CNTNAP2: variants seen among roughly 807,000 people sequenced by gnomAD.
CNTNAP2 encodes the protein contactin associated protein 2.
In CNTNAP2, 98 loss-of-function variants were observed where a neutral mutation model predicts 155.2. That is an observed-to-expected ratio of 0.63 (90% CI 0.54 to 0.75). CNTNAP2 has a LOEUF of 0.75. Among genes scored for constraint, CNTNAP2 ranks in the 30% least tolerant of loss-of-function variants. The pLI is 0.00. For missense variants in CNTNAP2, 1,727 were observed against 1,688.1 expected, an observed-to-expected ratio of 1.02 and a Z score of -0.40; for synonymous variants, 651 against 631.2, an observed-to-expected ratio of 1.03 and a Z score of -0.47.
At chr7:148,045,039 G>A (rs1802751626) in intron 15 of CNTNAP2, among the ~76,000 whole-genome samples, 1 of 152,146 alleles carries the variant, frequency 6.6e-6, no homozygotes, top group South Asian at 2.1e-4. Context: ...CTCTGTGAAA[G>A]CTCTGAGCAG....
intron 13 of CNTNAP2, among the ~76,000 whole-genome samples, chr7:147,890,000 C>T (rs1799663596): frequency 6.6e-6 from 1 of 152,000 alleles, no homozygotes; most frequent in Middle Eastern, 3.2e-3. Flanking sequence ...TTTTCTATGA[C>T]CAATTAAATT....
Position 147,395,754 on chromosome 7 carries a change from C to T in CNTNAP2, c.1644C>T (p.Ser548=). 6.2e-7 allele frequency: 1 copy of T among 1,612,384 alleles called. No individual in the cohort carries two copies. The highest frequency in any genetic ancestry group is 8.5e-7 in the Non-Finnish European group (1 of 1,178,730). The change falls in exon 10 of 24, where the codon AGC becomes AGT. Residue 548 remains serine, a synonymous_variant. Transcript: ENST00000361727. The stretch of plus-strand genomic sequence containing the variant: ...AGCCGGGAAGTTTCGCGAATGTCAG[C>T]ATTGACATGTGTGCGATCATAGACA... The part of the protein sequence containing the change: ...QRKPGSFANV[S]IDMCAIIDRC...
chr7:146,929,220 G>T (rs576805148), intron 3 of CNTNAP2, among the ~76,000 whole-genome samples: 1 of 152,136 alleles, frequency 6.6e-6, no homozygotes, highest in Admixed American at 6.5e-5. Context: ...TCACACGGCC[G>T]GGTACTCCTC....
chr7:146,460,004 G>A lies in CNTNAP2; in HGVS notation c.98-314267G>A, dbSNP rs145049339. On this transcript the variant is annotated intron_variant, in intron 1 of 23. Coordinates refer to ENST00000361727, the MANE Select transcript of CNTNAP2 (RefSeq NM_014141.6). ...ACAAAACAAAACAAAACAGAAAACA[G>A]GGGCTACTGGATGCTTGTGAGAGGC... is the stretch of plus-strand genomic sequence containing the variant. 1.8e-3 allele frequency among the ~76,000 whole-genome samples: 274 copies of A among 151,986 alleles called. 1 individual carries two copies. The highest frequency in any genetic ancestry group is 5.9e-3 in the African/African-American group (243 of 41,472).
chr7:147,315,323 C>A (rs546726605), intron 9 of CNTNAP2, among the ~76,000 whole-genome samples: 1 of 150,878 alleles, frequency 6.6e-6, no homozygotes, highest in East Asian at 1.9e-4. Flanking sequence ...GTAACTATCA[C>A]CACAATCTAA....
chr7:147,907,943 T>G (rs1447134640), intron 14 of CNTNAP2, among the ~76,000 whole-genome samples: 1 of 151,432 alleles, frequency 6.6e-6, no homozygotes, highest in Non-Finnish European at 1.5e-5. Context: ...CTAATTTTTT[T>G]TTTTTTGTAT....
intron 1 of CNTNAP2, among the ~76,000 whole-genome samples, chr7:146,731,172 G>T (rs1344260664): frequency 6.6e-6 from 1 of 152,116 alleles, no homozygotes; most frequent in Non-Finnish European, 1.5e-5. Flanking sequence ...AGGCCTGGCT[G>T]TGTCCAGATT....
chr7:146,712,307 T>C (rs1242695583), intron 1 of CNTNAP2, among the ~76,000 whole-genome samples: 1 of 125,028 alleles, frequency 8.0e-6, no homozygotes, highest in East Asian at 2.1e-4. Context: ...ATGTATACTA[T>C]ATAGTATACA....
chr7:146,662,167 G>T (rs2129166183), intron 1 of CNTNAP2, among the ~76,000 whole-genome samples: 1 of 151,038 alleles, frequency 6.6e-6, no homozygotes, highest in Non-Finnish European at 1.5e-5. Context: ...ACGGAGTCTT[G>T]CTCTTTGTCA....
At chr7:147,887,705 T>C (rs10264316) in intron 13 of CNTNAP2, among the ~76,000 whole-genome samples, 6,298 of 152,194 alleles carry the variant, frequency 0.041, 298 homozygotes, top group East Asian at 0.19. Context: ...TAATAAATTA[T>C]ATCAAATATC....
At chr7:147,782,291 G>T (rs980223480) in intron 13 of CNTNAP2, among the ~76,000 whole-genome samples, 2 of 152,216 alleles carry the variant, frequency 1.3e-5, no homozygotes, top group Non-Finnish European at 2.9e-5. Context: ...AGGTGCAAAG[G>T]CAAAGCACAA....
At chr7:146,471,114 CA>C (rs1359701917) in intron 1 of CNTNAP2, among the ~76,000 whole-genome samples, 2 of 152,084 alleles carry the variant, frequency 1.3e-5, no homozygotes, top group Non-Finnish European at 2.9e-5. Flanking sequence ...AAGAGTTAGA[CA>C]AATTTAAGTT....
chr7:147,062,516 C>A (rs184663441), intron 4 of CNTNAP2, among the ~76,000 whole-genome samples: 1 of 151,952 alleles, frequency 6.6e-6, no homozygotes, highest in African/African-American at 2.4e-5. Context: ...ATAAATGCCA[C>A]GTTTACTAAA....
intron 11 of CNTNAP2, among the ~76,000 whole-genome samples, chr7:147,544,677 C>A (rs1799700097): frequency 6.6e-6 from 1 of 151,996 alleles, no homozygotes; most frequent in Non-Finnish European, 1.5e-5. Context: ...CCACCCAAAT[C>A]TCATCTTGAA....
chr7:147,862,156 T>C (rs556451009), intron 13 of CNTNAP2, among the ~76,000 whole-genome samples: 1 of 152,266 alleles, frequency 6.6e-6, no homozygotes, highest in East Asian at 1.9e-4. Flanking sequence ...CACATCCTTT[T>C]GGCCTGTCCA....
At chr7:146,576,116 G>A (rs1798520400) in intron 1 of CNTNAP2, among the ~76,000 whole-genome samples, 1 of 152,130 alleles carries the variant, frequency 6.6e-6, no homozygotes, top group African/African-American at 2.4e-5. Flanking sequence ...TGAATATATG[G>A]CCTTGTTAAC....
intron 13 of CNTNAP2, among the ~76,000 whole-genome samples, chr7:147,874,657 C>A (rs796338636): frequency 4.6e-5 from 7 of 152,330 alleles, no homozygotes; most frequent in African/African-American, 1.7e-4. Flanking sequence ...TCCCTGTTGT[C>A]TTGGTGTTTA....
At chr7:147,380,572 CA>C (rs1009283397) in intron 9 of CNTNAP2, among the ~76,000 whole-genome samples, 4 of 151,290 alleles carry the variant, frequency 2.6e-5, no homozygotes, top group East Asian at 1.9e-4. Context: ...GCATCAAAGC[CA>C]AAAAAAAGGC....
At position 148,071,305 on chromosome 7, in the gene CNTNAP2, C is replaced by T. The variant is rs184593403; in HGVS notation, c.2384-46813C>T. 3.5e-4 allele frequency among the ~76,000 whole-genome samples: 53 copies of T among 152,098 alleles called. No homozygotes were observed. In the East Asian group the frequency reaches 5.2e-3, roughly 15 times the overall value. On this transcript the variant is annotated intron_variant, in intron 15 of 23. Coordinates refer to ENST00000361727, the MANE Select transcript of CNTNAP2 (RefSeq NM_014141.6). ...CAGTCTGGCCAACATGGTGAGACCC[C>T]GTCTCTACTAAAAATACAAAAAAAA...
Sources: gnomAD v4.1 joint callset for allele counts (sites outside exome capture counted in the v4.1 genomes callset) on GRCh38, gnomAD v4.1.1 for gene constraint, MANE v1.5 for transcripts, NCBI Gene and HGNC (gene_info 2026-07-23, HGNC 2026-07-21) for gene names.